Variants in NFIA observed in about 807,000 individuals in gnomAD.
NFIA encodes nuclear factor 1 A-type.
NFIA carries 8 observed loss-of-function variants against 62.8 expected under a neutral mutation model. The ratio of observed to expected loss-of-function variants is 0.13; its 90% CI spans 0.07 to 0.23. The LOEUF (loss-of-function observed/expected upper bound fraction) is 0.23. Ranked by LOEUF, NFIA falls within the 10% of genes least tolerant of loss-of-function variation. NFIA has a pLI of 1.00. For missense variants in NFIA, 410 were observed against 642.1 expected (o/e 0.64, Z 3.91); for synonymous variants, 235 against 238.1 (o/e 0.99, Z 0.12).
intron 4 of NFIA, among the ~76,000 whole-genome samples, chr1:61,341,155 C>T (rs1479001657): frequency 2.0e-5 from 3 of 149,362 alleles, no homozygotes; most frequent in African/African-American, 7.4e-5. Context: ...GCTCCACCTT[C>T]CGGGTTCACA....
chr1:61,082,044 C>T, upstream of NFIA: 1 of 1,546,292 alleles, frequency 6.5e-7, no homozygotes, highest in Non-Finnish European at 8.7e-7. Flanking sequence ...AGTCCTCCAC[C>T]GAGGTCCGCG....
intron 5 of NFIA, among the ~76,000 whole-genome samples, chr1:61,352,822 C>G (rs1478263151): frequency 6.6e-6 from 1 of 151,778 alleles, no homozygotes; most frequent in Non-Finnish European, 1.5e-5. Context: ...AATTGTGTGA[C>G]ACAGGCTAAA....
At chr1:61,338,789 C>T (rs1405203944) in intron 4 of NFIA, among the ~76,000 whole-genome samples, 4 of 152,184 alleles carry the variant, frequency 2.6e-5, no homozygotes, top group Admixed American at 6.5e-5. Flanking sequence ...TTTAAACATT[C>T]GCAGTACTTT....
intron 3 of NFIA, among the ~76,000 whole-genome samples, chr1:61,284,612 T>C (rs1462332434): frequency 6.6e-6 from 1 of 152,202 alleles, no homozygotes; most frequent in Non-Finnish European, 1.5e-5. Flanking sequence ...AAAGTAGTCT[T>C]ATCCTCACAC....
chr1:61,114,743 G>C (rs2100459500), intron 2 of NFIA, among the ~76,000 whole-genome samples: 1 of 152,066 alleles, frequency 6.6e-6, no homozygotes, highest in South Asian at 2.1e-4. Context: ...GGTATGCATG[G>C]TGACTTTTTT....
At chr1:61,413,348 G>T (rs970632374) in intron 9 of NFIA, among the ~76,000 whole-genome samples, 1 of 152,044 alleles carries the variant, frequency 6.6e-6, no homozygotes, top group South Asian at 2.1e-4. Flanking sequence ...GGTTAACAAA[G>T]CTCTTTTTAC....
Position 61,461,913 on chromosome 1 carries a change from C to T in NFIA, c.*6593C>T, listed in dbSNP as rs1668545061. ...GGCCATTTTTCCTGCTGTTTTTATA[C>T]TCAACTTCTCAAAATGAAAAAAGCT... On this transcript the variant is annotated 3_prime_UTR_variant, in exon 11 of 11. Transcript: ENST00000403491. 6.6e-6 allele frequency: 1 copy of T among 151,840 alleles called. No homozygotes were observed. The allele number at this position is 151,840 out of a possible 1,614,324, so 9.4% of individuals were successfully genotyped here.
intron 2 of NFIA, chr1:61,132,586 G>A (rs1368031155): frequency 2.6e-4 from 39 of 152,212 alleles, no homozygotes; most frequent in Admixed American, 2.6e-3. Context: ...AAAGAAGGAA[G>A]CTGGTTGAAT....
At chr1:61,413,190 T>G (rs1666181951) in intron 9 of NFIA, among the ~76,000 whole-genome samples, 1 of 152,182 alleles carries the variant, frequency 6.6e-6, no homozygotes, top group African/African-American at 2.4e-5. Flanking sequence ...ATAAGTTACC[T>G]TTATTATTTA....
chr1:61,310,815 C>A (rs1660067547), intron 3 of NFIA, among the ~76,000 whole-genome samples: 1 of 142,154 alleles, frequency 7.0e-6, no homozygotes, highest in Non-Finnish European at 1.5e-5. Context: ...TCCTGTATAT[C>A]CTCTCTGAGA....
At chr1:61,237,573 G>A (rs1183370643) in intron 2 of NFIA, among the ~76,000 whole-genome samples, 2 of 152,204 alleles carry the variant, frequency 1.3e-5, no homozygotes, top group Non-Finnish European at 2.9e-5. Context: ...CATTGTGGGT[G>A]TTCTTTAATC....
intron 3 of NFIA, among the ~76,000 whole-genome samples, chr1:61,320,783 C>T (rs971114816): frequency 6.6e-6 from 1 of 152,132 alleles, no homozygotes; most frequent in Non-Finnish European, 1.5e-5. Context: ...GGGAGATGGG[C>T]CATTACGATT....
chr1:61,348,563 G>T (rs940282369), intron 4 of NFIA, among the ~76,000 whole-genome samples: 1 of 152,164 alleles, frequency 6.6e-6, no homozygotes, highest in Non-Finnish European at 1.5e-5. Flanking sequence ...GCCCGTTTAT[G>T]TGGGCTTAAT....
chr1:61,424,943 A>G (rs1666799568), intron 9 of NFIA, among the ~76,000 whole-genome samples: 1 of 152,262 alleles, frequency 6.6e-6, no homozygotes, highest in African/African-American at 2.4e-5. Flanking sequence ...CTGGCATAGC[A>G]TGGGCTAGAG....
At chr1:61,384,133 AT>A in intron 7 of NFIA, among the ~76,000 whole-genome samples, 1 of 152,310 alleles carries the variant, frequency 6.6e-6, no homozygotes, top group African/African-American at 2.4e-5. Context: ...AGTATGAATA[AT>A]TGTAGCCATG....
intron 2 of NFIA, among the ~76,000 whole-genome samples, chr1:61,193,383 A>G (rs1198730395): frequency 6.6e-6 from 1 of 152,166 alleles, no homozygotes; most frequent in Non-Finnish European, 1.5e-5. Flanking sequence ...CCATGTATAG[A>G]GGTGTCTTAG....
At chr1:61,379,938 C>G (rs1038497763) in intron 6 of NFIA, among the ~76,000 whole-genome samples, 1 of 152,122 alleles carries the variant, frequency 6.6e-6, no homozygotes, top group East Asian at 1.9e-4. Context: ...TCTTGTTGAA[C>G]TTTGCACTTA....
At chr1:61,262,551 T>G (rs969308858) in intron 2 of NFIA, among the ~76,000 whole-genome samples, 27 of 152,144 alleles carry the variant, frequency 1.8e-4, no homozygotes, top group Admixed American at 1.8e-3. Context: ...GACGTGAGGC[T>G]GTAATGAGCA....
intron 2 of NFIA, among the ~76,000 whole-genome samples, chr1:61,179,670 C>G (rs1300555941): frequency 6.6e-6 from 1 of 152,160 alleles, no homozygotes; most frequent in Non-Finnish European, 1.5e-5. Flanking sequence ...CTCAAATATC[C>G]TGACGCTTTG....
Sources: gnomAD v4.1 joint callset for allele counts (sites outside exome capture counted in the v4.1 genomes callset) on GRCh38, gnomAD v4.1.1 for gene constraint, MANE v1.5 for transcripts, NCBI Gene and HGNC (gene_info 2026-07-23, HGNC 2026-07-21) for gene names.